The following FBXL17 variants were observed in gnomAD, a reference collection of about 807,000 sequenced individuals.
FBXL17 encodes F-box/LRR-repeat protein 17.
FBXL17 carries 22 observed loss-of-function variants against 66.2 expected under a neutral mutation model. The ratio of observed to expected loss-of-function variants is 0.33; its 90% confidence interval spans 0.24 to 0.47. The LOEUF is 0.47. FBXL17 is among the 20% of genes least tolerant of loss of function. FBXL17 has a pLI of 1.00. For missense variants in FBXL17, 878 were observed against 948.2 expected (o/e 0.93, Z 0.97); for synonymous variants, 474 against 400.5 (o/e 1.18, Z -2.19).
intron 6 of FBXL17, among the ~76,000 whole-genome samples, chr5:108,060,887 A>G (rs1747893348): frequency 1.3e-5 from 2 of 152,146 alleles, no homozygotes; most frequent in Admixed American, 6.6e-5. Flanking sequence ...TTGATTTTCT[A>G]CATCCCTGGG....
chr5:108,271,578 C>A (rs1380320670), intron 4 of FBXL17, among the ~76,000 whole-genome samples: 3 of 152,176 alleles, frequency 2.0e-5, no homozygotes, highest in African/African-American at 7.2e-5. Flanking sequence ...CAGTCAACTT[C>A]TTGAGAACAT....
intron 4 of FBXL17, among the ~76,000 whole-genome samples, chr5:108,246,479 T>C (rs1337016826): frequency 6.6e-6 from 1 of 152,110 alleles, no homozygotes; most frequent in East Asian, 1.9e-4. Context: ...ATCATGCCAC[T>C]GCACTCCACC....
intron 6 of FBXL17, among the ~76,000 whole-genome samples, chr5:108,023,023 C>A (rs1754659484): frequency 2.0e-5 from 3 of 151,992 alleles, no homozygotes; most frequent in Admixed American, 2.0e-4. Context: ...CAAGAGACAA[C>A]ACATGATTAA....
At chr5:108,075,632 C>T (rs558433608) in intron 6 of FBXL17, among the ~76,000 whole-genome samples, 64 of 152,240 alleles carry the variant, frequency 4.2e-4, no homozygotes, top group African/African-American at 1.5e-3. Flanking sequence ...CCCGCCACTA[C>T]GCCCAGCAAA....
chr5:107,998,029 T>C lies in FBXL17; in HGVS notation c.1822+22896A>G, dbSNP rs149741998. ...ACATGGCTACTGAGCACGGGAAACA[T>C]AGATAGTCCAAATTGAGATGTGCTG... On this transcript the variant is annotated intron_variant, in intron 7 of 8. Coordinates refer to ENST00000542267, the MANE Select transcript of FBXL17 (RefSeq NM_001163315.3). 4.9e-3 allele frequency among the ~76,000 whole-genome samples: 740 copies of C among 152,294 alleles called. 6 individuals carry two copies. The highest frequency in any genetic ancestry group is 0.014 in the African/African-American group (587 of 41,560).
intron 5 of FBXL17, among the ~76,000 whole-genome samples, chr5:108,207,346 T>C (rs1295634032): frequency 1.3e-5 from 2 of 152,120 alleles, no homozygotes; most frequent in Admixed American, 6.6e-5. Context: ...TTTTTTATTA[T>C]ACTTTAAGTT....
intron 6 of FBXL17, among the ~76,000 whole-genome samples, chr5:108,041,642 T>G (rs537328126): frequency 1.3e-5 from 2 of 152,064 alleles, no homozygotes; most frequent in African/African-American, 4.8e-5. Flanking sequence ...GATCTCGAAC[T>G]CCTTAGCTCA....
At chr5:107,951,236 T>C (rs1172072339) in intron 7 of FBXL17, among the ~76,000 whole-genome samples, 2 of 152,246 alleles carry the variant, frequency 1.3e-5, no homozygotes, top group African/African-American at 2.4e-5. Context: ...ATGGGTAATA[T>C]GTCTGCTTAA....
chr5:107,975,501 A>T (rs1580272257), intron 7 of FBXL17, among the ~76,000 whole-genome samples: 1 of 152,254 alleles, frequency 6.6e-6, no homozygotes, highest in South Asian at 2.1e-4. Context: ...TTTGTTTTTT[A>T]TTCTATACGG....
At chr5:108,248,242 G>C (rs1756191887) in intron 4 of FBXL17, among the ~76,000 whole-genome samples, 1 of 152,038 alleles carries the variant, frequency 6.6e-6, no homozygotes, top group Non-Finnish European at 1.5e-5. Flanking sequence ...AACACTCTCA[G>C]TAAATAAGTA....
intron 4 of FBXL17, among the ~76,000 whole-genome samples, chr5:108,248,235 ACT>A (rs1203150744): frequency 2.6e-5 from 4 of 152,042 alleles, no homozygotes; most frequent in African/African-American, 7.2e-5. Flanking sequence ...ACAAACAAAC[ACT>A]CTCAGTAAAT....
At chr5:107,962,057 T>C (rs1279203883) in intron 7 of FBXL17, among the ~76,000 whole-genome samples, 2 of 152,192 alleles carry the variant, frequency 1.3e-5, no homozygotes, top group East Asian at 1.9e-4. Flanking sequence ...TATACTTCTA[T>C]TGTATAGTTC....
chr5:107,944,303 G>A (rs890111855), intron 7 of FBXL17, among the ~76,000 whole-genome samples: 1 of 152,182 alleles, frequency 6.6e-6, no homozygotes, highest in African/African-American at 2.4e-5. Flanking sequence ...GAATGTAATG[G>A]TAGGTTTTAT....
chr5:108,012,500 A>G (rs1754213283), intron 7 of FBXL17, among the ~76,000 whole-genome samples: 1 of 152,196 alleles, frequency 6.6e-6, no homozygotes, highest in Non-Finnish European at 1.5e-5. Flanking sequence ...ATTAACAAAT[A>G]TGGCTGTCTG....
At chr5:108,076,835 A>G (rs1748571805) in intron 6 of FBXL17, among the ~76,000 whole-genome samples, 1 of 152,166 alleles carries the variant, frequency 6.6e-6, no homozygotes, top group East Asian at 1.9e-4. Flanking sequence ...TAATGAAGGC[A>G]TTTTTGCTAG....
intron 6 of FBXL17, among the ~76,000 whole-genome samples, chr5:108,139,213 C>CAGTGTTTAAGT (rs1751259105): frequency 6.6e-6 from 1 of 152,170 alleles, no homozygotes; most frequent in African/African-American, 2.4e-5. Context: ...GTAGTGATTA[C>CAGTGTTTAAGT]AGTGTTTAAG....
intron 7 of FBXL17, among the ~76,000 whole-genome samples, chr5:108,000,983 G>C (rs146313683): frequency 3.3e-4 from 50 of 152,224 alleles, no homozygotes; most frequent in South Asian, 8.3e-4. Flanking sequence ...ACACACCTGT[G>C]CTCCCTTTAA....
At chr5:108,159,420 G>T (rs1395444332) in intron 6 of FBXL17, among the ~76,000 whole-genome samples, 2 of 152,146 alleles carry the variant, frequency 1.3e-5, no homozygotes, top group Non-Finnish European at 2.9e-5. Flanking sequence ...TAACCACCAA[G>T]GTGATGGTAT....
chr5:108,236,918 T>C lies in FBXL17; in HGVS notation c.1507-12690A>G, dbSNP rs540787024. Among the ~76,000 whole-genome samples, 22 of 152,304 alleles carry C rather than the reference T, an allele frequency of 1.4e-4. No individual in the cohort carries two copies. In the East Asian group the frequency reaches 4.1e-3, roughly 28 times the overall value. ...AGGAAAGGGAAATTATTTCCATCTG[T>C]TCCAATGAGATTTACCAGTCTAAAA... On this transcript the variant is annotated intron_variant, in intron 4 of 8. Transcript: ENST00000542267.
Sources: gnomAD v4.1 joint callset for allele counts (sites outside exome capture counted in the v4.1 genomes callset) on GRCh38, gnomAD v4.1.1 for gene constraint, MANE v1.5 for transcripts, NCBI Gene and HGNC (gene_info 2026-07-23, HGNC 2026-07-21) for gene names.